Variants in STK31 observed in about 807,000 individuals in gnomAD.
The protein encoded by STK31 is serine/threonine-protein kinase 31.
A neutral mutation model predicts 129.7 loss-of-function variants in STK31; 89 were observed. The ratio of observed to expected loss-of-function variants is 0.69; its 90% confidence interval spans 0.58 to 0.82. The LOEUF is 0.82. Ranked by LOEUF, STK31 falls within the 40% of genes least tolerant of loss-of-function variation. The probability of loss-of-function intolerance (pLI) is 0.00; values close to 1 mark genes in which losing one functional copy is unlikely to be tolerated. For missense variants in STK31, 1,187 were observed against 1,176.4 expected, an observed-to-expected ratio of 1.01 and a Z score of -0.13; for synonymous variants, 448 against 395.3, an observed-to-expected ratio of 1.13 and a Z score of -1.58.
At chr7:23,801,177 A>G (rs1792344382) in intron 22 of STK31, among the ~76,000 whole-genome samples, 1 of 152,166 alleles carries the variant, frequency 6.6e-6, no homozygotes, top group Non-Finnish European at 1.5e-5. Flanking sequence ...TTCACCTGCA[A>G]TTTATGAAAG....
At chr7:23,819,446 T>C (rs1793667481) in intron 23 of STK31, among the ~76,000 whole-genome samples, 1 of 151,266 alleles carries the variant, frequency 6.6e-6, no homozygotes, top group Non-Finnish European at 1.5e-5. Flanking sequence ...GAGACAGTCT[T>C]GCTTGGTTGC....
intron 3 of STK31, among the ~76,000 whole-genome samples, chr7:23,717,097 C>CCTTTTTTT (rs1786381897): frequency 4.7e-5 from 2 of 42,936 alleles, no homozygotes; most frequent in African/African-American, 1.0e-4. Flanking sequence ...TCGCAACCTG[C>CCTTTTTTT]TTTTTTTTTT....
At chr7:23,809,813 T>C (rs1315576878) in intron 22 of STK31, among the ~76,000 whole-genome samples, 1 of 121,768 alleles carries the variant, frequency 8.2e-6, no homozygotes, top group African/African-American at 3.5e-5. Flanking sequence ...CAATATGGGG[T>C]TGTAACCTTG....
At chr7:23,759,246 T>C (rs927070948) in intron 10 of STK31, among the ~76,000 whole-genome samples, 2 of 152,142 alleles carry the variant, frequency 1.3e-5, no homozygotes, top group African/African-American at 4.8e-5. Flanking sequence ...ACAAGGATAT[T>C]CAGGACTTGA....
At chr7:23,828,828 A>C (rs1377890802) in intron 23 of STK31, among the ~76,000 whole-genome samples, 1 of 152,106 alleles carries the variant, frequency 6.6e-6, no homozygotes, top group Non-Finnish European at 1.5e-5. Flanking sequence ...GTTGAAGAGA[A>C]GTGGTGAAAG....
At chr7:23,799,471 C>A (rs1277934777) in intron 22 of STK31, among the ~76,000 whole-genome samples, 1 of 152,066 alleles carries the variant, frequency 6.6e-6, no homozygotes, top group Non-Finnish European at 1.5e-5. Context: ...CTTTGACAAA[C>A]CTGACAGAAG....
intron 17 of STK31, among the ~76,000 whole-genome samples, chr7:23,784,176 A>T (rs1791114774): frequency 6.6e-6 from 1 of 152,140 alleles, no homozygotes; most frequent in Non-Finnish European, 1.5e-5. Flanking sequence ...CAGGATTAGT[A>T]AACACTGGTT....
intron 15 of STK31, among the ~76,000 whole-genome samples, chr7:23,777,512 C>T (rs1790632064): frequency 6.6e-6 from 1 of 152,114 alleles, no homozygotes; most frequent in Non-Finnish European, 1.5e-5. Context: ...CTGGGTGCTC[C>T]TGTATTGGGT....
At chr7:23,740,584 T>G (rs999974966) in intron 8 of STK31, among the ~76,000 whole-genome samples, 1 of 152,152 alleles carries the variant, frequency 6.6e-6, no homozygotes, top group Admixed American at 6.5e-5. Context: ...CATGTTGGTG[T>G]GCTGCACCCA....
intron 2 of STK31, 32 bp from the exon 3 acceptor site, chr7:23,712,202 C>T (rs766835761): frequency 6.2e-7 from 1 of 1,613,912 alleles, no homozygotes; most frequent in Non-Finnish European, 8.5e-7. Context: ...TGATTAATTT[C>T]TAATTTTCCT....
chr7:23,769,237 T>C, intron 12 of STK31, 63 bp downstream of exon 12: 1 of 1,409,744 alleles, frequency 7.1e-7, no homozygotes, highest in Non-Finnish European at 9.3e-7. Flanking sequence ...ATTTTAAAAA[T>C]CACGCGCTTT....
chr7:23,832,027 A>G, intron 23 of STK31, 109 bp from the exon 24 acceptor site: 1 of 739,092 alleles, frequency 1.4e-6, no homozygotes, highest in Non-Finnish European at 2.2e-6. Flanking sequence ...AGTCATCTTG[A>G]AACCCCTCCT....
intron 23 of STK31, among the ~76,000 whole-genome samples, chr7:23,828,679 C>T (rs113252909): frequency 1.3e-5 from 2 of 152,328 alleles, no homozygotes; most frequent in African/African-American, 4.8e-5. Flanking sequence ...CCGTCTTCTG[C>T]GTCGCTCACG....
chr7:23,829,505 G>T (rs1486979434), intron 23 of STK31, among the ~76,000 whole-genome samples: 6 of 152,146 alleles, frequency 3.9e-5, no homozygotes, highest in Non-Finnish European at 1.5e-5. Context: ...TTATGTTTTT[G>T]ATGTGCTGTT....
At chr7:23,810,805 TATATTTG>T in intron 22 of STK31, among the ~76,000 whole-genome samples, 1 of 139,836 alleles carries the variant, frequency 7.2e-6, no homozygotes, top group African/African-American at 2.6e-5. Context: ...AATATGTATA[TATATTTG>T]TATATAAATA....
intron 15 of STK31, among the ~76,000 whole-genome samples, chr7:23,779,230 A>G (rs1013134684): frequency 6.6e-6 from 1 of 152,100 alleles, no homozygotes; most frequent in African/African-American, 2.4e-5. Flanking sequence ...CCAGAGGGGC[A>G]CCTGCCAGAT....
In STK31 at chr7:23,739,986, G is replaced by A. The variant is rs573585519; in HGVS notation, c.1017+2908G>A. 1.6e-3 allele frequency among the ~76,000 whole-genome samples: 248 copies of A among 152,282 alleles called. 1 individual carries two copies. The highest frequency in any genetic ancestry group is 2.9e-3 in the Non-Finnish European group (195 of 68,012). On this transcript the variant is annotated intron_variant, in intron 8 of 23. Coordinates refer to ENST00000355870, the MANE Select transcript of STK31 (RefSeq NM_031414.5). ...TTTTTGGTTCCATATGAAATTTAAAGTAGTTTTTTCTAGTTCTGTGAAGAA... is the reference window on the plus strand; with the variant it reads ...TTTTTGGTTCCATATGAAATTTAAAATAGTTTTTTCTAGTTCTGTGAAGAA...
chr7:23,799,073 C>A (rs1792201374), intron 22 of STK31, among the ~76,000 whole-genome samples: 2 of 151,934 alleles, frequency 1.3e-5, no homozygotes, highest in South Asian at 4.1e-4. Flanking sequence ...TTACAAACCA[C>A]TGCTCAAGGA....
At chr7:23,711,929 CAAAA>C (rs1785991697) in intron 1 of STK31, among the ~76,000 whole-genome samples, 166 bp from the exon 2 acceptor site, 4 of 141,322 alleles carry the variant, frequency 2.8e-5, no homozygotes, top group South Asian at 2.4e-4. Context: ...ACAAAATACT[CAAAA>C]GAATTAGTTA....
Sources: gnomAD v4.1 joint callset for allele counts (sites outside exome capture counted in the v4.1 genomes callset) on GRCh38, gnomAD v4.1.1 for gene constraint, MANE v1.5 for transcripts, NCBI Gene and HGNC (gene_info 2026-07-23, HGNC 2026-07-21) for gene names.